HDC: variants seen among roughly 807,000 people sequenced by gnomAD.
HDC encodes the protein histidine decarboxylase.
HDC carries 27 observed loss-of-function variants against 64.4 expected under a neutral mutation model. The ratio of observed to expected loss-of-function variants is 0.42; its 90% CI spans 0.31 to 0.58. The LOEUF (loss-of-function observed/expected upper bound fraction) is 0.58, where lower values mean the gene tolerates loss of function less well. Among genes scored for constraint, HDC ranks in the 20% least tolerant of loss-of-function variants. HDC has a pLI of 0.16. For synonymous variants in HDC, 305 were observed against 314.2 expected (o/e 0.97, Z 0.31); for missense variants, 711 against 833.9 (o/e 0.85, Z 1.81).
intron 1 of HDC, 95 bp downstream of exon 1, chr15:50,265,498 A>G: frequency 3.6e-6 from 4 of 1,122,590 alleles, no homozygotes; most frequent in Non-Finnish European, 5.4e-6. Flanking sequence ...TAATGCTCCC[A>G]TCAAATGTCA....
chr15:50,261,997 C>A (rs1047349563), intron 2 of HDC, among the ~76,000 whole-genome samples: 1 of 152,100 alleles, frequency 6.6e-6, no homozygotes, highest in African/African-American at 2.4e-5. Flanking sequence ...GTGTGAGCCC[C>A]CGCGCCTGGC....
At position 50,261,276 on chromosome 15, in the gene HDC, G is replaced by C. The variant is rs558680018; in HGVS notation, c.204+1959C>G. Among the ~76,000 whole-genome samples, 3 of 152,304 alleles carry C rather than the reference G, an allele frequency of 2.0e-5. No individual in the cohort carries two copies. The South Asian group carries it at 6.2e-4, about 32-fold the overall frequency. On this transcript the variant is annotated intron_variant, in intron 2 of 11. Transcript: ENST00000267845. The stretch of plus-strand genomic sequence containing the variant: ...CTGCTGGAATTCCTCTTGATCAAAT[G>C]AATCAGCTCATTTCCACCTCTTCTG...
At position 50,254,220 on chromosome 15, in the gene HDC, A is replaced by G. The variant is rs761286553; in HGVS notation, c.630T>C (p.Phe210=). ...AGLISLVKMK[F]LPVDDNFSLR... is the part of the protein sequence containing the mutation. ...GTGAGAAGTTGTCATCCACAGGCAG[A>G]AATTTCATCTTCACAAGGGAAATCA... is the stretch of plus-strand genomic sequence containing the variant. The change falls in exon 6 of 12, where the codon TTT becomes TTC. Residue 210 remains phenylalanine (F), a synonymous_variant. Transcript: ENST00000267845. The G allele has an allele frequency of 5.6e-6, 9 of 1,614,208 alleles. No individual in the cohort carries two copies. In the Admixed American group the frequency reaches 1.5e-4, roughly 27 times the overall value.
chr15:50,247,509 T>C (rs1443929785), intron 10 of HDC, among the ~76,000 whole-genome samples: 1 of 152,160 alleles, frequency 6.6e-6, no homozygotes, highest in Non-Finnish European at 1.5e-5. Context: ...AAGACACACA[T>C]AGGCAGAAAG....
At chr15:50,261,936 C>T (rs2045709782) in intron 2 of HDC, among the ~76,000 whole-genome samples, 1 of 151,932 alleles carries the variant, frequency 6.6e-6, no homozygotes. Context: ...CTTGAACTCC[C>T]GACCTCAGGT....
rs2045506062 is a variant in HDC, at chr15:50,248,121, G to A, written c.1140+124C>T. ...TCAAGTCCCAGGAGCTGAGGAACAG[G>A]CCCAGACACCTGAACCACACACCGC... is the stretch of plus-strand genomic sequence containing the variant. On this transcript the variant is annotated intron_variant, in intron 10 of 11. Transcript: ENST00000267845. This position sits in a 1 kb window ranked among gnomAD's most constrained non-coding sequence, Gnocchi z 4.3. 4.2e-6 allele frequency: 3 copies of A among 721,012 alleles called. No homozygotes were observed. The highest frequency in any genetic ancestry group is 1.7e-5 in the African/African-American group (1 of 57,524). The allele number at this position is 721,012 out of a possible 1,614,324, so 44.7% of individuals were successfully genotyped here.
intron 5 of HDC, 83 bp downstream of exon 5, chr15:50,254,447 C>T (rs1455193920): frequency 5.0e-6 from 8 of 1,592,368 alleles, no homozygotes; most frequent in South Asian, 3.3e-5. Context: ...AGCGTACTCA[C>T]GTCTAGAAAA....
Position 50,252,639 on chromosome 15 carries a change from A to G in HDC, c.923T>C (p.Met308Thr), listed in dbSNP as rs746425775. 35 of 1,614,084 alleles carry G rather than the reference A, an allele frequency of 2.2e-5. No homozygotes were observed. In the African/African-American group the frequency reaches 4.3e-4, roughly 20 times the overall value. ...SFTFNPSKWM[M>T]VHFDCTGFWV... ...GAACCCAGTACAGTCAAAATGCACC[A>G]TCATCCACTTGGAAGGATTAAAGGT... Residue 308 changes from methionine (M) to threonine (T), a missense_variant, in exon 8 of 12, where the codon ATG (methionine) becomes ACG (threonine). By Grantham distance (81) the Met-to-Thr change is moderately conservative. This residue lies in a region of HDC where 483 missense variants were observed against 540.9 expected (regional missense o/e 0.89). Coordinates refer to ENST00000267845, the MANE Select transcript of HDC (RefSeq NM_002112.4).
At chr15:50,252,912 A>T (rs2045577608) in intron 7 of HDC, 138 bp from the exon 8 acceptor site, 6 of 800,244 alleles carry the variant, frequency 7.5e-6, no homozygotes, top group Non-Finnish European at 2.0e-6. Flanking sequence ...TGGAGATGGG[A>T]GCAGGTGGAG....
In HDC at chr15:50,248,378, G is replaced by C; in HGVS notation, c.1042-35C>G. 6.7e-7 allele frequency: 1 copy of C among 1,486,460 alleles called. No individual in the cohort carries two copies. The highest frequency in any genetic ancestry group is 1.1e-5 in the South Asian group (1 of 88,326). 92.1% of individuals were successfully genotyped at this position (1,486,460 alleles called of 1,614,324 possible). On this transcript the variant is annotated intron_variant, in intron 9 of 11. Coordinates refer to ENST00000267845, the MANE Select transcript of HDC (RefSeq NM_002112.4). The surrounding 1 kb of genome is among the most constrained non-coding windows in gnomAD (Gnocchi z 4.3). ...AAGGAACACAGTGCCCAAGGTTAGA[G>C]ACAAGGGTGCCCCACTCCCTCGGGC...
chr15:50,247,609 C>T (rs2045499348), intron 10 of HDC, among the ~76,000 whole-genome samples: 1 of 152,128 alleles, frequency 6.6e-6, no homozygotes, highest in Admixed American at 6.5e-5. Flanking sequence ...ATGCCAGTGG[C>T]CAGAGTTCTT....
In HDC at chr15:50,248,111, T is replaced by G; in HGVS notation, c.1140+134A>C. The G allele has an allele frequency of 2.8e-6, 2 of 705,400 alleles. No homozygotes were observed. Among genetic ancestry groups the G allele is most frequent in the South Asian group, 3.0e-5 (2 of 66,818 alleles). The allele number at this position is 705,400 out of a possible 1,614,324, so 43.7% of individuals were successfully genotyped here. ...ACAAAGAGAATCAAGTCCCAGGAGC[T>G]GAGGAACAGGCCCAGACACCTGAAC... On this transcript the variant is annotated intron_variant, in intron 10 of 11. Coordinates refer to ENST00000267845, the MANE Select transcript of HDC (RefSeq NM_002112.4). This position sits in a 1 kb window ranked among gnomAD's most constrained non-coding sequence, Gnocchi z 4.3.
At chr15:50,253,344 C>T (rs1392867382) in intron 7 of HDC, 5 of 549,902 alleles carry the variant, frequency 9.1e-6, no homozygotes, top group Non-Finnish European at 1.6e-5. Context: ...ATGAGAAAAC[C>T]GAAGGCTCTC....
chr15:50,250,336 A>G (rs1165530094), intron 9 of HDC, among the ~76,000 whole-genome samples: 1 of 152,182 alleles, frequency 6.6e-6, no homozygotes, highest in Non-Finnish European at 1.5e-5. Flanking sequence ...TCACTTTTCT[A>G]GGAGTTTCTT....
At chr15:50,257,695 C>A (rs1181234045) in intron 3 of HDC, 148 bp from the exon 4 acceptor site, 1 of 859,882 alleles carries the variant, frequency 1.2e-6, no homozygotes, top group Admixed American at 1.9e-5. Context: ...CTCTCCTGGT[C>A]CACTCTCTGT....
rs1226811911 is a variant in HDC at position 50,252,647 on chromosome 15, C to G, written c.915G>C (p.Lys305Asn). The G allele has an allele frequency of 6.2e-7, 1 of 1,614,032 alleles. No individual in the cohort carries two copies. Among genetic ancestry groups the G allele is most frequent in the Non-Finnish European group, 8.5e-7 (1 of 1,180,042 alleles). ...TACAGTCAAAATGCACCATCATCCA[C>G]TTGGAAGGATTAAAGGTGAAGGAGT... ...YADSFTFNPS[K>N]WMMVHFDCTG... Residue 305 changes from lysine to asparagine, a missense_variant, in exon 8 of 12, where the codon AAG becomes AAC. Transcript: ENST00000267845.
At chr15:50,261,507 G>A (rs992517147) in intron 2 of HDC, among the ~76,000 whole-genome samples, 38 of 151,924 alleles carry the variant, frequency 2.5e-4, no homozygotes, top group Admixed American at 1.8e-3. Context: ...ATGGCCAGGC[G>A]TAGTGGCTTA....
At position 50,258,383 on chromosome 15, in the gene HDC, GT is replaced by G; in HGVS notation, c.318+20del. 1 of 1,414,584 alleles carries G rather than the reference GT, an allele frequency of 7.1e-7. No individual in the cohort carries two copies. The highest frequency in any genetic ancestry group is 1.0e-6 in the Non-Finnish European group (1 of 998,302). The allele number at this position is 1,414,584 out of a possible 1,614,324, so 87.6% of individuals were successfully genotyped here. A position where few individuals can be genotyped will look rare whatever the true frequency, so the allele number is the denominator to read the frequency against. ...CCTGCTACGTTCCCCATTGCGAGTAGTTACAGCCGTTGCTACTCACCCAGGT... is the reference window on the plus strand; with the variant it reads ...CCTGCTACGTTCCCCATTGCGAGTAGTACAGCCGTTGCTACTCACCCAGGT... On this transcript the variant is annotated intron_variant, in intron 3 of 11. Transcript: ENST00000267845.
rs566574154 is a variant in HDC at position 50,263,474 on chromosome 15, C to A, written c.32-67G>T. 4.7e-6 allele frequency: 7 copies of A among 1,479,326 alleles called. No individual in the cohort carries two copies. The East Asian group carries it at 9.4e-5, about 20-fold the overall frequency. The allele number at this position is 1,479,326 out of a possible 1,614,324, so 91.6% of individuals were successfully genotyped here. Reference sequence around the variant, plus strand: ...GGGCCTGACCGATTTGTGCCCATCCCTCTCAGGTCCGGGCCAAGAGACTTG... The same window carrying A: ...GGGCCTGACCGATTTGTGCCCATCCATCTCAGGTCCGGGCCAAGAGACTTG... On this transcript the variant is annotated intron_variant, in intron 1 of 11. Coordinates refer to ENST00000267845, the MANE Select transcript of HDC (RefSeq NM_002112.4).
Sources: gnomAD v4.1 joint callset for allele counts (sites outside exome capture counted in the v4.1 genomes callset) on GRCh38, gnomAD v4.1.1 for gene constraint, gnomAD v4.1.1 regional missense constraint, Gnocchi (gnomAD v3.1) non-coding constraint, MANE v1.5 for transcripts, NCBI Gene and HGNC (gene_info 2026-07-23, HGNC 2026-07-21) for gene names.